Variants in COL19A1 observed in about 807,000 individuals in gnomAD.
COL19A1 encodes the protein collagen alpha-1(XIX) chain.
In COL19A1, 159 loss-of-function variants were observed where a neutral mutation model predicts 190.2. The observed-to-expected ratio is 0.84, with a 90% CI of 0.73 to 0.95. The LOEUF (loss-of-function observed/expected upper bound fraction) is 0.95, where lower values mean the gene tolerates loss of function less well. COL19A1 is among the 40% of genes least tolerant of loss of function. The pLI is 0.00. For synonymous variants in COL19A1, 509 were observed against 458.9 expected (o/e 1.11, Z -1.39); for missense variants, 1,418 against 1,431.9 (o/e 0.99, Z 0.16).
intron 4 of COL19A1, among the ~76,000 whole-genome samples, chr6:69,920,625 A>G (rs951268442): frequency 1.3e-5 from 2 of 152,048 alleles, no homozygotes; most frequent in African/African-American, 4.8e-5. Context: ...CATATTTTGA[A>G]AATATTGATT....
intron 11 of COL19A1, among the ~76,000 whole-genome samples, chr6:70,008,490 G>C (rs1385368062): frequency 6.6e-6 from 1 of 151,714 alleles, no homozygotes; most frequent in Non-Finnish European, 1.5e-5. Context: ...ACTGACTCAA[G>C]AACAAATAGA....
intron 27 of COL19A1, among the ~76,000 whole-genome samples, chr6:70,149,266 C>A (rs1187820292): frequency 7.2e-5 from 11 of 152,002 alleles, no homozygotes; most frequent in African/African-American, 2.4e-4. Flanking sequence ...AAAAAAAAAT[C>A]ATTGATTAGT....
At chr6:69,985,326 G>A (rs1352669974) in intron 11 of COL19A1, among the ~76,000 whole-genome samples, 1 of 152,162 alleles carries the variant, frequency 6.6e-6, no homozygotes, top group Non-Finnish European at 1.5e-5. Flanking sequence ...AAACATGAAA[G>A]CAGCATCATC....
intron 7 of COL19A1, among the ~76,000 whole-genome samples, chr6:69,933,584 A>T (rs1313538762): frequency 6.6e-6 from 1 of 152,102 alleles, no homozygotes; most frequent in African/African-American, 2.4e-5. Flanking sequence ...TCAGCCTCTC[A>T]TTCTAAATAT....
intron 2 of COL19A1, among the ~76,000 whole-genome samples, chr6:69,889,243 T>A (rs529079741): frequency 1.8e-4 from 27 of 152,320 alleles, no homozygotes; most frequent in African/African-American, 6.3e-4. Context: ...ACTAGACAGA[T>A]TTTAATCGTG....
In COL19A1 at chr6:69,936,705, A is replaced by G. The variant is rs1773133994; in HGVS notation, c.748-80A>G. 4.5e-6 allele frequency: 7 copies of G among 1,546,916 alleles called. 1 individual carries two copies. In the Admixed American group the frequency reaches 9.1e-5, roughly 20 times the overall value. On this transcript the variant is annotated intron_variant, in intron 7 of 50. Coordinates refer to ENST00000620364, the MANE Select transcript of COL19A1 (RefSeq NM_001858.6). ...CTTGCAGGCAACCTCAGCAATCCCT[A>G]GTTTAGTGGGAGCCAGTGTTTGGAA...
Position 69,921,551 on chromosome 6 carries a change from C to CAT in COL19A1, c.267-6349_267-6348dup, listed in dbSNP as rs577601103. On this transcript the variant is annotated intron_variant, in intron 4 of 50. Coordinates refer to ENST00000620364, the MANE Select transcript of COL19A1 (RefSeq NM_001858.6). ...ATATTCATGTATATTCATATATATT[C>CAT]ATATATATATTCGTATATATTCATA... Among the ~76,000 whole-genome samples, 471 of 111,316 alleles carry CAT rather than the reference C, an allele frequency of 4.2e-3. 10 individuals carry two copies. In the East Asian group the frequency reaches 0.062, roughly 15 times the overall value. The allele number at this position is 111,316 out of a possible 152,430, so 73.0% of individuals were successfully genotyped here.
intron 14 of COL19A1, among the ~76,000 whole-genome samples, chr6:70,042,604 A>G (rs1453909565): frequency 6.6e-6 from 1 of 152,128 alleles, no homozygotes; most frequent in Admixed American, 6.5e-5. Context: ...TTCCTAAAAT[A>G]AGACAAAAAT....
At chr6:69,894,082 T>G (rs1248351866) in intron 2 of COL19A1, among the ~76,000 whole-genome samples, 1 of 151,696 alleles carries the variant, frequency 6.6e-6, no homozygotes, top group Non-Finnish European at 1.5e-5. Flanking sequence ...CCCTACCACC[T>G]TGGGCACATG....
In COL19A1 at chr6:69,939,633, A is replaced by C. The variant is rs552937995; in HGVS notation, c.936+1533A>C. The stretch of plus-strand genomic sequence containing the variant: ...CTTCCACTTGCGATATTTTACTCTT[A>C]AAACATCATTTAAAGATGCCAGCCT... On this transcript the variant is annotated intron_variant, in intron 9 of 50. Transcript: ENST00000620364. Among the ~76,000 whole-genome samples the C allele has an allele frequency of 3.3e-5, 5 of 152,230 alleles. No homozygotes were observed. The South Asian group carries it at 1.0e-3, about 32-fold the overall frequency.
At chr6:70,010,502 C>G (rs533982103) in intron 11 of COL19A1, among the ~76,000 whole-genome samples, 1 of 142,410 alleles carries the variant, frequency 7.0e-6, no homozygotes, top group Non-Finnish European at 1.5e-5. Context: ...AGTGTGTGTG[C>G]GCACCGTGCG....
intron 11 of COL19A1, among the ~76,000 whole-genome samples, chr6:70,017,240 T>A (rs1420195762): frequency 1.3e-5 from 2 of 152,078 alleles, no homozygotes; most frequent in Non-Finnish European, 2.9e-5. Context: ...AGGCTACATA[T>A]TGTATAATTC....
At chr6:70,071,753 G>A (rs1017619050) in intron 15 of COL19A1, among the ~76,000 whole-genome samples, 1 of 152,034 alleles carries the variant, frequency 6.6e-6, no homozygotes, top group Admixed American at 6.6e-5. Flanking sequence ...ATTGGGGGTT[G>A]GGGGCCTTCC....
intron 2 of COL19A1, among the ~76,000 whole-genome samples, chr6:69,889,360 C>A (rs983570568): frequency 1.3e-5 from 2 of 152,176 alleles, no homozygotes. Flanking sequence ...GTTACAATTT[C>A]TCAGGAGACA....
intron 1 of COL19A1, among the ~76,000 whole-genome samples, chr6:69,875,668 C>G (rs1768088546): frequency 1.3e-5 from 2 of 152,014 alleles, no homozygotes; most frequent in African/African-American, 2.4e-5. Context: ...CTGGTTTGAT[C>G]ATTTTGATGG....
chr6:69,995,949 C>T (rs553343893), intron 11 of COL19A1, among the ~76,000 whole-genome samples: 26 of 152,168 alleles, frequency 1.7e-4, no homozygotes, highest in African/African-American at 4.8e-4. Context: ...GAAAGAATTA[C>T]GAACAATTTG....
Position 69,975,746 on chromosome 6 carries a change from G to T in COL19A1, c.1026+12876G>T, listed in dbSNP as rs541393037. Among the ~76,000 whole-genome samples, 45 of 152,222 alleles carry T rather than the reference G, an allele frequency of 3.0e-4. No homozygotes were observed. In the South Asian group the frequency reaches 8.1e-3, roughly 27 times the overall value. On this transcript the variant is annotated intron_variant, in intron 11 of 50. Transcript: ENST00000620364. ...AGATATGAATTCTAGGCCTTGAGTAGCTAATATAAATATTGAATAAGACAT... is the reference window on the plus strand; with the variant it reads ...AGATATGAATTCTAGGCCTTGAGTATCTAATATAAATATTGAATAAGACAT...
intron 41 of COL19A1, among the ~76,000 whole-genome samples, chr6:70,174,852 A>G (rs905232011): frequency 6.6e-6 from 1 of 152,204 alleles, no homozygotes; most frequent in Non-Finnish European, 1.5e-5. Context: ...TAGGGGTTCA[A>G]GGTACTCAAA....
At chr6:69,915,656 G>A (rs1771244651) in intron 4 of COL19A1, among the ~76,000 whole-genome samples, 1 of 152,136 alleles carries the variant, frequency 6.6e-6, no homozygotes, top group African/African-American at 2.4e-5. Context: ...TAGGATTGGT[G>A]CAAAAGTTTC....
Sources: gnomAD v4.1 joint callset for allele counts (sites outside exome capture counted in the v4.1 genomes callset) on GRCh38, gnomAD v4.1.1 for gene constraint, MANE v1.5 for transcripts, NCBI Gene and HGNC (gene_info 2026-07-23, HGNC 2026-07-21) for gene names.